The following ZCCHC7 variants were observed in gnomAD, a reference collection of about 807,000 sequenced individuals.
ZCCHC7 encodes the protein zinc finger CCHC-type containing 7, also known as zinc finger CCHC domain-containing protein 7.
Under a neutral mutation model 52.0 loss-of-function variants are expected in ZCCHC7, and 35 were observed. The ratio of observed to expected loss-of-function variants is 0.67; its 90% CI spans 0.51 to 0.89. The LOEUF (loss-of-function observed/expected upper bound fraction) is 0.89. Among genes scored for constraint, ZCCHC7 ranks in the 40% least tolerant of loss-of-function variants. The probability of loss-of-function intolerance (pLI) is 0.00; values close to 1 mark genes in which losing one functional copy is unlikely to be tolerated. For missense variants in ZCCHC7, 574 were observed against 649.1 expected, an observed-to-expected ratio of 0.88 and a Z score of 1.26; for synonymous variants, 217 against 221.5, an observed-to-expected ratio of 0.98 and a Z score of 0.18.
intron 3 of ZCCHC7, among the ~76,000 whole-genome samples, chr9:37,302,599 G>A (rs1829086444): frequency 6.6e-6 from 1 of 152,200 alleles, no homozygotes; most frequent in Non-Finnish European, 1.5e-5. Context: ...AGCCTTAATT[G>A]TGGCAGATGC....
intron 2 of ZCCHC7, among the ~76,000 whole-genome samples, chr9:37,272,376 G>T (rs542469519): frequency 6.6e-6 from 1 of 151,140 alleles, no homozygotes; most frequent in Non-Finnish European, 1.5e-5. Flanking sequence ...ATGAGTTGGG[G>T]AATTGGTATA....
intron 2 of ZCCHC7, among the ~76,000 whole-genome samples, chr9:37,274,162 G>T (rs1355394053): frequency 6.6e-6 from 1 of 151,842 alleles, no homozygotes; most frequent in Admixed American, 6.6e-5. Flanking sequence ...TACTCCATTA[G>T]CTTTATAATC....
intron 2 of ZCCHC7, among the ~76,000 whole-genome samples, chr9:37,139,653 G>A (rs10973228): frequency 0.2 from 30,446 of 151,862 alleles, 3,337 homozygotes; most frequent in African/African-American, 0.28. Flanking sequence ...TTGCAAACAC[G>A]TTTTAAGGGA....
At chr9:37,345,413 G>A (rs1317274447) in intron 6 of ZCCHC7, among the ~76,000 whole-genome samples, 1 of 152,200 alleles carries the variant, frequency 6.6e-6, no homozygotes, top group African/African-American at 2.4e-5. Flanking sequence ...AGGGATACAT[G>A]GCTTACATGC....
chr9:37,235,373 G>A (rs1825594225), intron 2 of ZCCHC7, among the ~76,000 whole-genome samples: 1 of 152,018 alleles, frequency 6.6e-6, no homozygotes, highest in Non-Finnish European at 1.5e-5. Context: ...ACTGTGTCTG[G>A]CTTATTTCAT....
chr9:37,258,250 C>A (rs187566311), intron 2 of ZCCHC7, among the ~76,000 whole-genome samples: 58 of 152,212 alleles, frequency 3.8e-4, no homozygotes, highest in Admixed American at 1.3e-3. Flanking sequence ...GCCTCCTCTC[C>A]CTGTCTTACA....
Position 37,354,832 on chromosome 9 carries a change from G to A in ZCCHC7, c.1198+8G>A, listed in dbSNP as rs1358755049. 6.4e-7 allele frequency: 1 copy of A among 1,553,908 alleles called. No individual in the cohort carries two copies. Among genetic ancestry groups the A allele is most frequent in the Non-Finnish European group, 8.8e-7 (1 of 1,130,638 alleles). ...TAAAACAAAAAATAAAAGGTATGTT[G>A]CTAGACTTCTTGTTAGATCACATTT... On this transcript the variant is annotated splice_region_variant and intron_variant, in intron 8 of 8. Transcript: ENST00000336755. This position sits in a 1 kb window ranked among gnomAD's most constrained non-coding sequence, Gnocchi z 4.0.
chr9:37,302,312 A>T, intron 3 of ZCCHC7, 81 bp downstream of exon 3: 2 of 1,213,866 alleles, frequency 1.6e-6, no homozygotes, highest in Non-Finnish European at 2.4e-6. Flanking sequence ...TGGAACATTA[A>T]TAAGTTTAAG....
At chr9:37,122,037 A>G (rs982295346) in intron 1 of ZCCHC7, among the ~76,000 whole-genome samples, 12 of 152,200 alleles carry the variant, frequency 7.9e-5, no homozygotes, top group African/African-American at 1.7e-4. Context: ...TCACATTCCA[A>G]TGAAAATTGG....
rs544985108 is a variant in ZCCHC7 at position 37,124,393 on chromosome 9, T to C, written c.-21-1919T>C. 3.3e-5 allele frequency among the ~76,000 whole-genome samples: 5 copies of C among 151,922 alleles called. No homozygotes were observed. The South Asian group carries it at 8.3e-4, about 25-fold the overall frequency. On this transcript the variant is annotated intron_variant, in intron 1 of 8. Coordinates refer to ENST00000336755, the MANE Select transcript of ZCCHC7 (RefSeq NM_032226.3). ...TTGTATTTTAAGCACATACTAGATT[T>C]ATCAGGGCTGAAGAACAAATGCCCG... is the stretch of plus-strand genomic sequence containing the variant.
intron 2 of ZCCHC7, among the ~76,000 whole-genome samples, chr9:37,274,331 CTTTTTTTTTTTTTTT>C (rs10653910): frequency 2.6e-5 from 2 of 76,668 alleles, no homozygotes; most frequent in Admixed American, 1.7e-4. Context: ...TATCTAATTT[CTTTTTTTTTTTTTTT>C]TTTTTTTTTT....
chr9:37,301,423 C>A (rs1297819342), intron 2 of ZCCHC7, among the ~76,000 whole-genome samples: 1 of 151,976 alleles, frequency 6.6e-6, no homozygotes, highest in Non-Finnish European at 1.5e-5. Context: ...ATGGTGAAAC[C>A]CTGTCTCTAC....
At chr9:37,346,746 T>A (rs1226774679) in intron 6 of ZCCHC7, among the ~76,000 whole-genome samples, 3 of 152,088 alleles carry the variant, frequency 2.0e-5, no homozygotes, top group Non-Finnish European at 2.9e-5. Flanking sequence ...GAGGCCAAGG[T>A]GAAAGGATCA....
chr9:37,307,479 T>G (rs1486498233), intron 5 of ZCCHC7, among the ~76,000 whole-genome samples: 3 of 152,222 alleles, frequency 2.0e-5, no homozygotes, highest in Admixed American at 2.0e-4. Context: ...AAGGGGTATT[T>G]ATGAAAGGGG....
chr9:37,209,197 C>T (rs1824079695), intron 2 of ZCCHC7, among the ~76,000 whole-genome samples: 1 of 152,058 alleles, frequency 6.6e-6, no homozygotes, highest in Non-Finnish European at 1.5e-5. Flanking sequence ...CCCACAACCA[C>T]GCCTGGCTAA....
upstream of ZCCHC7, chr9:37,120,433 C>A (rs1264933280): frequency 1.3e-5 from 5 of 395,804 alleles, no homozygotes; most frequent in South Asian, 2.6e-4. Flanking sequence ...GCACCCACTA[C>A]GCATGCGCAC....
At chr9:37,261,780 C>CT (rs376200841) in intron 2 of ZCCHC7, among the ~76,000 whole-genome samples, 194 of 152,162 alleles carry the variant, frequency 1.3e-3, no homozygotes, top group African/African-American at 4.3e-3. Context: ...TGCTTTTGTT[C>CT]TTTTTCAGTT....
At chr9:37,348,410 G>A (rs1046781579) in intron 6 of ZCCHC7, among the ~76,000 whole-genome samples, 2 of 97,058 alleles carry the variant, frequency 2.1e-5, no homozygotes, top group African/African-American at 1.0e-4. Context: ...ATGGAGTCTC[G>A]CTTTTGTCGC....
intron 2 of ZCCHC7, among the ~76,000 whole-genome samples, chr9:37,257,805 G>T (rs1425236675): frequency 6.6e-6 from 1 of 152,084 alleles, no homozygotes; most frequent in Non-Finnish European, 1.5e-5. Flanking sequence ...CTTCTGCCAT[G>T]ATTCTAAGTT....
Sources: allele counts gnomAD v4.1 joint callset (sites outside exome capture counted in the v4.1 genomes callset), GRCh38; gene constraint gnomAD v4.1.1; non-coding constraint Gnocchi (gnomAD v3.1); transcripts MANE v1.5; gene names NCBI Gene and HGNC (gene_info 2026-07-23, HGNC 2026-07-21).